ERBIN: variants seen among roughly 807,000 people sequenced by gnomAD.
ERBIN encodes the protein erbb2 interacting protein.
ERBIN carries 60 observed loss-of-function variants against 158.4 expected under a neutral mutation model. The observed-to-expected ratio is 0.38, with a 90% CI of 0.31 to 0.47. The LOEUF is 0.47. Among genes scored for constraint, ERBIN ranks in the 20% least tolerant of loss-of-function variants. The probability of loss-of-function intolerance (pLI) is 0.99; values close to 1 mark genes in which losing one functional copy is unlikely to be tolerated. For synonymous variants in ERBIN, 594 were observed against 557.2 expected (o/e 1.07, Z -0.93); for missense variants, 1,610 against 1,648.0 (o/e 0.98, Z 0.40).
chr5:65,981,574 T>C (rs1158675043), intron 1 of ERBIN, among the ~76,000 whole-genome samples: 1 of 152,212 alleles, frequency 6.6e-6, no homozygotes, highest in Non-Finnish European at 1.5e-5. Flanking sequence ...GTGCTTATGG[T>C]ACAGATTCTA....
chr5:65,947,311 C>A (rs1745891281), intron 1 of ERBIN, among the ~76,000 whole-genome samples: 1 of 152,108 alleles, frequency 6.6e-6, no homozygotes, highest in Admixed American at 6.5e-5. Flanking sequence ...CTCACTGCAA[C>A]CTCCACCTTC....
At chr5:66,025,295 A>T (rs1756117693) in intron 10 of ERBIN, 185 bp from the exon 11 acceptor site, 8 of 609,912 alleles carry the variant, frequency 1.3e-5, no homozygotes, top group Admixed American at 3.0e-5. Flanking sequence ...AGTGATGTGG[A>T]TGAAGATTGA....
Position 66,054,645 on chromosome 5 carries a change from G to A in ERBIN, c.3327G>A (p.Glu1109=). Residue 1109 remains glutamate, a synonymous_variant, in exon 21 of 26, where the codon GAG becomes GAA. Transcript: ENST00000284037. ...IPEGDYLSYR[E]FHSAGRTPPM... ...AAGGAGATTATTTATCATACAGAGA[G>A]TTCCACTCAGCGGGAAGAACTCCTC... is the stretch of plus-strand genomic sequence containing the variant. 1 of 1,614,172 alleles carries A rather than the reference G, an allele frequency of 6.2e-7. No individual in the cohort carries two copies. Among genetic ancestry groups the A allele is most frequent in the Non-Finnish European group, 8.5e-7 (1 of 1,180,028 alleles).
At chr5:65,932,200 G>T (rs1363962804) in intron 1 of ERBIN, among the ~76,000 whole-genome samples, 7 of 151,936 alleles carry the variant, frequency 4.6e-5, no homozygotes, top group Non-Finnish European at 1.0e-4. Flanking sequence ...TTAGCTCGGT[G>T]TGGTCACAAA....
chr5:65,964,550 T>G (rs1156799837), intron 1 of ERBIN, among the ~76,000 whole-genome samples: 4 of 152,188 alleles, frequency 2.6e-5, no homozygotes, highest in Non-Finnish European at 5.9e-5. Flanking sequence ...GAATATATAC[T>G]TTGTCAGAGG....
At chr5:66,012,982 T>G (rs1489489315) in intron 5 of ERBIN, among the ~76,000 whole-genome samples, 2 of 152,212 alleles carry the variant, frequency 1.3e-5, no homozygotes, top group Non-Finnish European at 1.5e-5. Context: ...AACTGGGGGC[T>G]CTCATGCCCC....
intron 1 of ERBIN, among the ~76,000 whole-genome samples, chr5:65,973,319 G>GT (rs1439218709): frequency 6.6e-6 from 1 of 151,092 alleles, no homozygotes; most frequent in Non-Finnish European, 1.5e-5. Context: ...GAGTTAATGG[G>GT]TGCAGCACAC....
At chr5:66,055,614 A>G (rs1026960243) in intron 21 of ERBIN, among the ~76,000 whole-genome samples, 2 of 152,140 alleles carry the variant, frequency 1.3e-5, no homozygotes, top group Non-Finnish European at 2.9e-5. Context: ...ATACAGATAT[A>G]TATCCTTGTA....
At chr5:65,940,969 C>T (rs1744932526) in intron 1 of ERBIN, among the ~76,000 whole-genome samples, 2 of 152,272 alleles carry the variant, frequency 1.3e-5, no homozygotes, top group South Asian at 2.1e-4. Context: ...TTGTTCTGTA[C>T]TAAGAAAAAT....
At chr5:66,017,965 G>A (rs1754969717) in intron 7 of ERBIN, among the ~76,000 whole-genome samples, 1 of 151,830 alleles carries the variant, frequency 6.6e-6, no homozygotes, top group Admixed American at 6.6e-5. Context: ...TTATCTTCTT[G>A]GCGCCTTTTT....
chr5:66,010,112 A>G (rs1754049239), intron 4 of ERBIN, among the ~76,000 whole-genome samples: 1 of 151,958 alleles, frequency 6.6e-6, no homozygotes, highest in South Asian at 2.1e-4. Flanking sequence ...CGCGTATTGC[A>G]TTTATTTGTT....
intron 12 of ERBIN, 56 bp from the exon 13 acceptor site, chr5:66,026,246 T>C (rs189377855): frequency 6.9e-4 from 741 of 1,077,158 alleles, no homozygotes; most frequent in Non-Finnish European, 8.2e-4. Context: ...GTTTTTTATA[T>C]GTTGATCAAC....
At chr5:66,052,887 A>G (rs1038754397) in intron 20 of ERBIN, among the ~76,000 whole-genome samples, 3 of 152,092 alleles carry the variant, frequency 2.0e-5, no homozygotes, top group Non-Finnish European at 2.9e-5. Flanking sequence ...GCTTTGTACA[A>G]TTTTCTTACC....
intron 14 of ERBIN, among the ~76,000 whole-genome samples, chr5:66,036,256 C>T (rs1757384774): frequency 6.6e-6 from 1 of 152,176 alleles, no homozygotes; most frequent in South Asian, 2.1e-4. Context: ...CCATTCTGAA[C>T]CACATTGTGA....
In ERBIN at chr5:65,992,737, T is replaced by G. The variant is rs1461686680; in HGVS notation, c.19T>G (p.Leu7Val). The change falls in exon 3 of 26, where the codon TTG (leucine) becomes GTG (valine). Residue 7 changes from leucine (L) to valine (V), a missense_variant. Transcript: ENST00000284037. MTTKRSLFVRLVPCRCL... is the reference protein window; with the variant it reads MTTKRSVFVRLVPCRCL... ...TCTAAAAATGACTACAAAACGAAGT[T>G]TGTTTGTGCGGTTGGTACCATGTCG... The G allele has an allele frequency of 6.3e-7, 1 of 1,592,756 alleles. No individual in the cohort carries two copies. The highest frequency in any genetic ancestry group is 8.5e-7 in the Non-Finnish European group (1 of 1,173,824).
Position 66,038,241 on chromosome 5 carries a change from G to A in ERBIN, c.1207-142G>A, listed in dbSNP as rs182270811. ...GTGTTATCAAATCAATGCCTAAAGT[G>A]TTATTGTGTATAGTTAGATTTGTTT... On this transcript the variant is annotated intron_variant, in intron 14 of 25. Transcript: ENST00000284037. 7.0e-5 allele frequency: 32 copies of A among 457,550 alleles called. No homozygotes were observed. In the East Asian group the frequency reaches 1.0e-3, roughly 15 times the overall value. 28.3% of individuals were successfully genotyped at this position (457,550 alleles called of 1,614,324 possible).
At chr5:66,013,819 A>C (rs1398161314) in intron 6 of ERBIN, among the ~76,000 whole-genome samples, 181 bp downstream of exon 6, 1 of 152,136 alleles carries the variant, frequency 6.6e-6, no homozygotes, top group Non-Finnish European at 1.5e-5. Flanking sequence ...AGTAAACAAT[A>C]ATCAGTGAGA....
intron 1 of ERBIN, among the ~76,000 whole-genome samples, chr5:65,943,774 T>G (rs1467936247): frequency 6.6e-6 from 1 of 152,246 alleles, no homozygotes; most frequent in African/African-American, 2.4e-5. Context: ...CATATTATTG[T>G]ATACCCTTCA....
intron 14 of ERBIN, among the ~76,000 whole-genome samples, chr5:66,030,385 T>C (rs1160431945): frequency 3.3e-5 from 5 of 152,076 alleles, no homozygotes; most frequent in Admixed American, 6.6e-5. Flanking sequence ...ATCTGTTATA[T>C]GTGGAACTGA....
Sources: allele counts gnomAD v4.1 joint callset (sites outside exome capture counted in the v4.1 genomes callset), GRCh38; gene constraint gnomAD v4.1.1; transcripts MANE v1.5; gene names NCBI Gene and HGNC (gene_info 2026-07-23, HGNC 2026-07-21).